The following ADAMTS2 variants were observed in gnomAD, a reference collection of about 807,000 sequenced individuals.
ADAMTS2 encodes the protein ADAM metallopeptidase with thrombospondin type 1 motif 2.
ADAMTS2 carries 50 observed loss-of-function variants against 123.0 expected under a neutral mutation model. That is an observed-to-expected ratio of 0.41 (90% CI 0.32 to 0.51). The LOEUF (loss-of-function observed/expected upper bound fraction) is 0.51, where lower values mean the gene tolerates loss of function less well. ADAMTS2 is among the 20% of genes least tolerant of loss of function. The pLI, the probability that ADAMTS2 is intolerant of heterozygous loss-of-function variation, is 0.35. For missense variants in ADAMTS2, 1,494 were observed against 1,705.2 expected (o/e 0.88, Z 2.18); for synonymous variants, 678 against 695.4 (o/e 0.98, Z 0.39).
rs1184999421 is a variant in ADAMTS2, at chr5:179,181,424, C to A, written c.892-269G>T. The stretch of plus-strand genomic sequence containing the variant: ...AGGGTTTCCTCACCTGGGGCCTGAA[C>A]ATGGAACGTGGGCAGGGAAAGCAGC... On this transcript the variant is annotated intron_variant, in intron 4 of 21. Transcript: ENST00000251582. The surrounding 1 kb of genome is among the most constrained non-coding windows in gnomAD (Gnocchi z 4.1). 6.6e-6 allele frequency among the ~76,000 whole-genome samples: 1 copy of A among 152,162 alleles called. No individual in the cohort carries two copies. The highest frequency in any genetic ancestry group is 1.9e-4 in the East Asian group (1 of 5,186).
chr5:179,243,340 G>C (rs951430255), intron 3 of ADAMTS2, among the ~76,000 whole-genome samples: 1 of 152,174 alleles, frequency 6.6e-6, no homozygotes. Context: ...AAGCCTAGTA[G>C]CTGGGTGTGA....
intron 2 of ADAMTS2, among the ~76,000 whole-genome samples, chr5:179,296,200 T>C (rs988333425): frequency 1.3e-5 from 2 of 151,794 alleles, no homozygotes; most frequent in African/African-American, 4.8e-5. Context: ...AGCAGACGCT[T>C]TGGGTGATGC....
At chr5:179,336,102 G>A (rs1245721486) in intron 2 of ADAMTS2, among the ~76,000 whole-genome samples, 2 of 152,216 alleles carry the variant, frequency 1.3e-5, no homozygotes, top group East Asian at 3.9e-4. Flanking sequence ...GTGAAGGCTG[G>A]TCCCCCCAAC....
chr5:179,249,173 G>T (rs1359595784), intron 3 of ADAMTS2, among the ~76,000 whole-genome samples: 1 of 151,846 alleles, frequency 6.6e-6, no homozygotes, highest in Non-Finnish European at 1.5e-5. Flanking sequence ...AGATAAATTA[G>T]AATATATAAT....
rs553642972 is a variant in ADAMTS2, at chr5:179,216,245, G to A, written c.689-8530C>T. On this transcript the variant is annotated intron_variant, in intron 3 of 21. Transcript: ENST00000251582. ...AGCCATACTGAGCAGCGTGACCCAC[G>A]GGGTGAACTGTCTTCACCAAGACCC... 2.1e-4 allele frequency among the ~76,000 whole-genome samples: 32 copies of A among 152,280 alleles called. No individual in the cohort carries two copies. The East Asian group carries it at 5.0e-3, about 24-fold the overall frequency.
chr5:179,265,238 C>T (rs1766337213), intron 3 of ADAMTS2, among the ~76,000 whole-genome samples: 1 of 152,248 alleles, frequency 6.6e-6, no homozygotes, highest in Non-Finnish European at 1.5e-5. Flanking sequence ...TTGTCACCTG[C>T]CCACGGTGCT....
rs564148334 is a variant in ADAMTS2 at position 179,234,631 on chromosome 5, T to C, written c.689-26916A>G. ...TGCCAACAAGTCCCAAACAAACCTGTCACCTTTCCCTACCCCAACCCATCA... is the reference window on the plus strand; with the variant it reads ...TGCCAACAAGTCCCAAACAAACCTGCCACCTTTCCCTACCCCAACCCATCA... On this transcript the variant is annotated intron_variant, in intron 3 of 21. Coordinates refer to ENST00000251582, the MANE Select transcript of ADAMTS2 (RefSeq NM_014244.5). This position sits in a 1 kb window ranked among gnomAD's most constrained non-coding sequence, Gnocchi z 4.7. Among the ~76,000 whole-genome samples the C allele has an allele frequency of 1.5e-4, 22 of 151,678 alleles. No homozygotes were observed. The South Asian group carries it at 4.6e-3, about 32-fold the overall frequency.
At position 179,130,135 on chromosome 5, in the gene ADAMTS2, C is replaced by T. The variant is rs1364968675; in HGVS notation, c.2291-37G>A. 3 of 1,613,370 alleles carry T rather than the reference C, an allele frequency of 1.9e-6. No individual in the cohort carries two copies. The highest frequency in any genetic ancestry group is 2.2e-5 in the East Asian group (1 of 44,882). Reference sequence around the variant, plus strand: ...AAGACCAAGTCCCCCGTTGTGGTCACCCAAGAGCAGGACCCAGGCCCACTG... The same window carrying T: ...AAGACCAAGTCCCCCGTTGTGGTCATCCAAGAGCAGGACCCAGGCCCACTG... On this transcript the variant is annotated intron_variant, in intron 15 of 21. Coordinates refer to ENST00000251582, the MANE Select transcript of ADAMTS2 (RefSeq NM_014244.5). The surrounding 1 kb of genome is among the most constrained non-coding windows in gnomAD (Gnocchi z 4.3).
chr5:179,151,986 G>A (rs548970438), intron 10 of ADAMTS2, among the ~76,000 whole-genome samples, 156 bp downstream of exon 10: 47 of 152,282 alleles, frequency 3.1e-4, no homozygotes, highest in Middle Eastern at 3.4e-3. Context: ...GGCGTACAGC[G>A]TGTGAGGGGT....
intron 9 of ADAMTS2, 64 bp downstream of exon 9, chr5:179,153,427 C>A: frequency 6.3e-7 from 1 of 1,596,310 alleles, no homozygotes; most frequent in Non-Finnish European, 8.5e-7. Flanking sequence ...CCGGGAGCTG[C>A]CCCTACACCA....
In ADAMTS2 at chr5:179,162,150, C is replaced by G. The variant is rs140389872; in HGVS notation, c.976-3271G>C. Among the ~76,000 whole-genome samples the G allele has an allele frequency of 6.6e-6, 1 of 152,176 alleles. No homozygotes were observed. Among genetic ancestry groups the G allele is most frequent in the Non-Finnish European group, 1.5e-5 (1 of 68,034 alleles). On this transcript the variant is annotated intron_variant, in intron 5 of 21. Transcript: ENST00000251582. The surrounding 1 kb of genome is among the most constrained non-coding windows in gnomAD (Gnocchi z 5.1). ...GGGTCCTAAGCCCCATGTAGTGGGA[C>G]GGTCCCTTCCGATGCCCTGGTGGGT...
In ADAMTS2 at chr5:179,175,781, A is replaced by G. The variant is rs4374749; in HGVS notation, c.975+5291T>C. Among the ~76,000 whole-genome samples the G allele has an allele frequency of 0.098, 14,912 of 152,242 alleles. 949 individuals are homozygous for G. The highest frequency in any genetic ancestry group is 0.13 in the Non-Finnish European group (8,960 of 68,010). On this transcript the variant is annotated intron_variant, in intron 5 of 21. Transcript: ENST00000251582. The surrounding 1 kb of genome is among the most constrained non-coding windows in gnomAD (Gnocchi z 4.1). ...CAATACTAGTTTCATGTCACATACA[A>G]GTATCTAGGATTTTCAGAACCACAG...
At chr5:179,245,835 T>C (rs889515411) in intron 3 of ADAMTS2, among the ~76,000 whole-genome samples, 34 of 118,394 alleles carry the variant, frequency 2.9e-4, no homozygotes, top group African/African-American at 9.8e-4. Context: ...TAGAGCTATA[T>C]AAGAGTAATG....
At chr5:179,208,979 TC>T (rs943812702) in intron 3 of ADAMTS2, among the ~76,000 whole-genome samples, 16 of 152,254 alleles carry the variant, frequency 1.1e-4, no homozygotes, top group Admixed American at 2.0e-4. Context: ...CAAAGAGTCT[TC>T]CAGAACAACA....
chr5:179,240,880 G>T (rs543708391), intron 3 of ADAMTS2, among the ~76,000 whole-genome samples: 1 of 152,210 alleles, frequency 6.6e-6, no homozygotes, highest in Non-Finnish European at 1.5e-5. Flanking sequence ...GTTTTGTCCG[G>T]TAAAGGGAAG....
intron 3 of ADAMTS2, among the ~76,000 whole-genome samples, chr5:179,213,854 T>A (rs1387493147): frequency 1.3e-5 from 2 of 152,214 alleles, no homozygotes; most frequent in East Asian, 3.8e-4. Context: ...TCCTAAAGCT[T>A]CAACCTGGTG....
rs74989438 is a variant in ADAMTS2, at chr5:179,127,763, G to C, written c.2617+196C>G. Among the ~76,000 whole-genome samples, 1,094 of 152,088 alleles carry C rather than the reference G, an allele frequency of 7.2e-3. 19 individuals are homozygous for C. The highest frequency in any genetic ancestry group is 0.025 in the African/African-American group (1,021 of 41,492). On this transcript the variant is annotated intron_variant, in intron 17 of 21. Transcript: ENST00000251582. The stretch of plus-strand genomic sequence containing the variant: ...CCCCACACACCCTTTGGCCACATTT[G>C]ACCCAATGCCCCAGCACCCCCCTTC...
chr5:179,135,643 A>G lies in ADAMTS2; in HGVS notation c.2085+266T>C, dbSNP rs3776814. ...TAAAAATTCATGCTCCCAGGCCGCC[A>G]CCACCGTGACCTGTGGAATCAGGAC... On this transcript the variant is annotated intron_variant, in intron 13 of 21. Coordinates refer to ENST00000251582, the MANE Select transcript of ADAMTS2 (RefSeq NM_014244.5). Among the ~76,000 whole-genome samples, 68,660 of 151,756 alleles carry G rather than the reference A, an allele frequency of 0.45. 15,953 individuals are homozygous for G. The highest frequency in any genetic ancestry group is 0.5 in the Non-Finnish European group (33,980 of 67,900).
In ADAMTS2 at chr5:179,129,889, G is replaced by T. The variant is rs765809941; in HGVS notation, c.2457+43C>A. 20 of 1,610,138 alleles carry T rather than the reference G, an allele frequency of 1.2e-5. No individual in the cohort carries two copies. Among genetic ancestry groups the T allele is most frequent in the Middle Eastern group, 1.8e-4 (1 of 5,572 alleles). Reference sequence around the variant, plus strand: ...AGGCACCCCCATCCCTCCCCCAGTGGCCACCCGCACCCTTCCCTGGGCCCA... The same window carrying T: ...AGGCACCCCCATCCCTCCCCCAGTGTCCACCCGCACCCTTCCCTGGGCCCA... On this transcript the variant is annotated intron_variant, in intron 16 of 21. Coordinates refer to ENST00000251582, the MANE Select transcript of ADAMTS2 (RefSeq NM_014244.5). The surrounding 1 kb of genome is among the most constrained non-coding windows in gnomAD (Gnocchi z 4.1).
Sources: allele counts gnomAD v4.1 joint callset (sites outside exome capture counted in the v4.1 genomes callset), GRCh38; gene constraint gnomAD v4.1.1; non-coding constraint Gnocchi (gnomAD v3.1); transcripts MANE v1.5; gene names NCBI Gene and HGNC (gene_info 2026-07-23, HGNC 2026-07-21).